VPS13A: variants seen among roughly 807,000 people sequenced by gnomAD.
VPS13A encodes the protein vacuolar protein sorting 13 homolog A.
A neutral mutation model predicts 390.9 loss-of-function variants in VPS13A; 264 were observed. The observed-to-expected ratio is 0.68, with a 90% CI of 0.61 to 0.75. The LOEUF (loss-of-function observed/expected upper bound fraction) is 0.75. VPS13A is among the 30% of genes least tolerant of loss of function. The probability of loss-of-function intolerance (pLI) is 0.00; values close to 1 mark genes in which losing one functional copy is unlikely to be tolerated. For synonymous variants in VPS13A, 1,231 were observed against 1,227.1 expected (o/e 1.00, Z -0.07); for missense variants, 3,409 against 3,733.9 (o/e 0.91, Z 2.27).
chr9:77,280,304 G>T, intron 27 of VPS13A, 66 bp downstream of exon 27: 1 of 1,344,072 alleles, frequency 7.4e-7, no homozygotes, highest in South Asian at 1.2e-5. Context: ...AGTTTTGTAA[G>T]TTTGGTATTA....
intron 68 of VPS13A, among the ~76,000 whole-genome samples, chr9:77,395,478 T>C (rs1834084013): frequency 1.3e-5 from 2 of 152,062 alleles, no homozygotes; most frequent in African/African-American, 4.8e-5. Context: ...ATAAAAAAAG[T>C]TTGAAATATT....
chr9:77,408,474 G>T (rs1397463971), intron 71 of VPS13A, among the ~76,000 whole-genome samples: 1 of 152,256 alleles, frequency 6.6e-6, no homozygotes, highest in Non-Finnish European at 1.5e-5. Context: ...CACCGAGCGT[G>T]AGCCAAAGTA....
At chr9:77,222,107 A>G (rs896752732) in intron 13 of VPS13A, among the ~76,000 whole-genome samples, 2 of 152,208 alleles carry the variant, frequency 1.3e-5, no homozygotes, top group African/African-American at 4.8e-5. Flanking sequence ...TAATGTAAAC[A>G]TTCTGAATCC....
intron 5 of VPS13A, among the ~76,000 whole-genome samples, chr9:77,207,560 T>G (rs867475778): frequency 3.9e-5 from 6 of 151,938 alleles, no homozygotes; most frequent in South Asian, 2.1e-4. Context: ...AAAGTGGCTT[T>G]AAGTATGACT....
intron 19 of VPS13A, among the ~76,000 whole-genome samples, chr9:77,244,239 C>T (rs541609634): frequency 6.6e-6 from 1 of 152,066 alleles, no homozygotes; most frequent in South Asian, 2.1e-4. Flanking sequence ...ATGCTGTCTC[C>T]AAAAATACAT....
rs757145192 is a variant in VPS13A, at chr9:77,314,589, C to G, written c.4337C>G (p.Ser1446Ter). The G allele has an allele frequency of 2.5e-6, 4 of 1,610,980 alleles. No individual in the cohort carries two copies. Among genetic ancestry groups the G allele is most frequent in the Non-Finnish European group, 3.4e-6 (4 of 1,178,206 alleles). ...ISTLKMYTDG[S>*]TFSSFSLKNC... Reference sequence around the variant, plus strand: ...ACTTTAAAAATGTATACAGATGGCTCAACATTTTCTTCCTTCTCATTAAAA... The same window carrying G: ...ACTTTAAAAATGTATACAGATGGCTGAACATTTTCTTCCTTCTCATTAAAA... The change falls in exon 37 of 72, where the codon TCA becomes TGA. Residue 1446 changes from serine to a stop codon, truncating the protein, a stop_gained. Transcript: ENST00000360280. LOFTEE classifies it high-confidence loss of function.
intron 3 of VPS13A, among the ~76,000 whole-genome samples, chr9:77,203,475 A>T (rs976495546): frequency 1.3e-5 from 2 of 152,032 alleles, no homozygotes; most frequent in African/African-American, 4.8e-5. Flanking sequence ...TTTTGTAGAG[A>T]CAGGGTTTTG....
rs1832713931 is a variant in VPS13A at position 77,370,953 on chromosome 9, T to G, written c.8953+18T>G. On this transcript the variant is annotated intron_variant, in intron 66 of 71. Transcript: ENST00000360280. ...AATCAAAGGCAAGTATAGTAGTTCC[T>G]TTGCAAGTCTTTCTAAGTTGATTCT... The G allele has an allele frequency of 6.2e-7, 1 of 1,614,168 alleles. No individual in the cohort carries two copies. The highest frequency in any genetic ancestry group is 1.1e-5 in the South Asian group (1 of 91,084).
chr9:77,362,716 C>T (rs896425402), intron 59 of VPS13A, among the ~76,000 whole-genome samples: 5 of 152,106 alleles, frequency 3.3e-5, no homozygotes, highest in African/African-American at 1.2e-4. Context: ...GTATTGCCAT[C>T]CTAACAGTAT....
At chr9:77,344,330 T>C in intron 51 of VPS13A, 49 bp downstream of exon 51, 2 of 1,571,218 alleles carry the variant, frequency 1.3e-6, no homozygotes, top group Non-Finnish European at 1.7e-6. Flanking sequence ...AGCTAAAATA[T>C]ACTGACTAGT....
intron 69 of VPS13A, among the ~76,000 whole-genome samples, chr9:77,404,768 A>G (rs1209531053): frequency 1.3e-5 from 2 of 152,204 alleles, no homozygotes; most frequent in African/African-American, 4.8e-5. Context: ...GTTTGAGGAT[A>G]AAGGATCTTT....
At chr9:77,281,735 A>ATG (rs947455170) in intron 27 of VPS13A, 132 bp from the exon 28 acceptor site, 77 of 475,476 alleles carry the variant, frequency 1.6e-4, no homozygotes, top group Middle Eastern at 5.5e-4. Flanking sequence ...GTGTGTGTAT[A>ATG]TGTGTATATA....
At chr9:77,336,906 C>G (rs1296024127) in intron 46 of VPS13A, among the ~76,000 whole-genome samples, 1 of 149,308 alleles carries the variant, frequency 6.7e-6, no homozygotes, top group Non-Finnish European at 1.5e-5. Context: ...TCTCCATTCT[C>G]CTGCCTCAGC....
intron 56 of VPS13A, 100 bp downstream of exon 56, chr9:77,357,938 A>G: frequency 9.8e-7 from 1 of 1,016,852 alleles, no homozygotes; most frequent in South Asian, 1.6e-5. Flanking sequence ...ATTCAGTTTC[A>G]ATGTTGTGCT....
intron 13 of VPS13A, 48 bp downstream of exon 13, chr9:77,221,404 C>T: frequency 6.3e-7 from 1 of 1,595,960 alleles, no homozygotes. Flanking sequence ...TACATAGCTC[C>T]TTATTGGTCT....
At chr9:77,226,107 T>C in intron 14 of VPS13A, 119 bp downstream of exon 14, 2 of 896,604 alleles carry the variant, frequency 2.2e-6, no homozygotes, top group Non-Finnish European at 3.4e-6. Flanking sequence ...TCAATTTGCT[T>C]TTTAGTATTA....
chr9:77,399,187 A>AT (rs1834258697), intron 68 of VPS13A, among the ~76,000 whole-genome samples: 2 of 140,662 alleles, frequency 1.4e-5, no homozygotes, highest in Admixed American at 1.4e-4. Flanking sequence ...AAAATAAAAA[A>AT]AAAAAAAAAA....
intron 68 of VPS13A, 39 bp from the exon 69 acceptor site, chr9:77,403,197 C>G: frequency 1.4e-6 from 2 of 1,464,226 alleles, no homozygotes; most frequent in Non-Finnish European, 1.9e-6. Context: ...GTAGGAAATA[C>G]TATCAATTTT....
In VPS13A at chr9:77,337,416, A is replaced by G. The variant is rs1332406762; in HGVS notation, c.6257A>G (p.Asp2086Gly). ...SFLINIVPEK[D>G]NLTSLSVYSE... ...CTCATTAATATTGTTCCAGAAAAAG[A>G]TAATTTAACATCTCTATCAGTGTAT... The change falls in exon 47 of 72, where the codon GAT becomes GGT. Residue 2086 changes from aspartate to glycine, a missense_variant. Physicochemically the swap from Asp to Gly is moderately conservative, Grantham distance 94 (BLOSUM62 -1). This residue lies in a region of VPS13A where 2,717 missense variants were observed against 2,917.4 expected (regional missense o/e 0.93). Transcript: ENST00000360280. 1 of 1,613,120 alleles carries G rather than the reference A, an allele frequency of 6.2e-7. No individual in the cohort carries two copies. Among genetic ancestry groups the G allele is most frequent in the Non-Finnish European group, 8.5e-7 (1 of 1,179,232 alleles).
Sources: gnomAD v4.1 joint callset for allele counts (sites outside exome capture counted in the v4.1 genomes callset) on GRCh38, gnomAD v4.1.1 for gene constraint, gnomAD v4.1.1 regional missense constraint, MANE v1.5 for transcripts, NCBI Gene and HGNC (gene_info 2026-07-23, HGNC 2026-07-21) for gene names.